The following ZNF516 variants were observed in gnomAD, a reference collection of about 807,000 sequenced individuals.
ZNF516 encodes the protein zinc finger protein 516.
ZNF516 carries 19 observed loss-of-function variants against 79.7 expected under a neutral mutation model. The observed-to-expected ratio is 0.24, with a 90% CI of 0.17 to 0.35. The LOEUF (loss-of-function observed/expected upper bound fraction) is 0.35. Ranked by LOEUF, ZNF516 falls within the 10% of genes least tolerant of loss-of-function variation. The pLI, the probability that ZNF516 is intolerant of heterozygous loss-of-function variation, is 1.00. For missense variants in ZNF516, 1,678 were observed against 1,679.5 expected, an observed-to-expected ratio of 1.00 and a Z score of 0.02; for synonymous variants, 877 against 739.5, an observed-to-expected ratio of 1.19 and a Z score of -3.02.
At chr18:76,371,628 A>G (rs1300722768) in intron 4 of ZNF516, 57 bp from the exon 5 acceptor site, 1 of 1,436,994 alleles carries the variant, frequency 7.0e-7, no homozygotes, top group South Asian at 1.2e-5. Flanking sequence ...CGTGGAGGTG[A>G]GGAGGCAGGA....
intron 3 of ZNF516, among the ~76,000 whole-genome samples, chr18:76,397,837 G>A (rs2075167131): frequency 6.6e-6 from 1 of 152,160 alleles, no homozygotes; most frequent in Non-Finnish European, 1.5e-5. Flanking sequence ...GGGCTCAAGT[G>A]ATCCTCCCTG....
At chr18:76,418,607 G>A (rs2075467093) in intron 3 of ZNF516, among the ~76,000 whole-genome samples, 2 of 152,016 alleles carry the variant, frequency 1.3e-5, no homozygotes, top group Non-Finnish European at 2.9e-5. Context: ...CAAACATACA[G>A]GCTTAAAATA....
chr18:76,441,451 C>T lies in ZNF516; in HGVS notation c.1604G>A (p.Arg535His), dbSNP rs1308104349. The T allele has an allele frequency of 6.2e-7, 1 of 1,606,038 alleles. No individual in the cohort carries two copies. The highest frequency in any genetic ancestry group is 1.7e-5 in the Admixed American group (1 of 59,520). The change falls in exon 3 of 7, where the codon CGC becomes CAC. Residue 535 changes from arginine to histidine, a missense_variant. Physicochemically the swap from Arg to His is conservative, Grantham distance 29. Transcript: ENST00000443185. ...RTYHQMVLHS[R>H]VHRRARRERD... ...CTCGCGGCGCGCGCGGCGATGCACGCGTGAGTGCAGCACCATCTGATGATA... is the reference window on the plus strand; with the variant it reads ...CTCGCGGCGCGCGCGGCGATGCACGTGTGAGTGCAGCACCATCTGATGATA...
chr18:76,455,187 C>A (rs933803241), intron 2 of ZNF516, among the ~76,000 whole-genome samples: 3 of 152,124 alleles, frequency 2.0e-5, no homozygotes, highest in African/African-American at 7.2e-5. Flanking sequence ...AAGACCATGA[C>A]ACTAATTCAG....
rs1323383058 is a variant in ZNF516, at chr18:76,378,839, G to A, written c.3259+16C>T. On this transcript the variant is annotated intron_variant, in intron 4 of 6. Transcript: ENST00000443185. ...GTCACATGTGGCCTGGGGAAGAGAGGGCCCGCACATCTTACCTCTGTGCTC... is the reference window on the plus strand; with the variant it reads ...GTCACATGTGGCCTGGGGAAGAGAGAGCCCGCACATCTTACCTCTGTGCTC... 5 of 1,605,182 alleles carry A rather than the reference G, an allele frequency of 3.1e-6. No individual in the cohort carries two copies. The highest frequency in any genetic ancestry group is 4.3e-6 in the Non-Finnish European group (5 of 1,174,524).
intron 3 of ZNF516, among the ~76,000 whole-genome samples, chr18:76,382,245 G>A (rs2074905637): frequency 6.6e-6 from 1 of 152,162 alleles, no homozygotes; most frequent in South Asian, 2.1e-4. Context: ...AGGAGACTGG[G>A]CAGTGCTAGG....
At chr18:76,478,927 G>T (rs555536709) in intron 1 of ZNF516, among the ~76,000 whole-genome samples, 13 of 152,100 alleles carry the variant, frequency 8.5e-5, no homozygotes, top group African/African-American at 2.9e-4. Context: ...ATGGTTGTGT[G>T]CGCCTGTAAT....
At chr18:76,370,936 T>C (rs1023414659) in intron 5 of ZNF516, among the ~76,000 whole-genome samples, 1 of 152,230 alleles carries the variant, frequency 6.6e-6, no homozygotes, top group Non-Finnish European at 1.5e-5. Context: ...TTCACACTCC[T>C]GATAGAGAAC....
chr18:76,468,417 C>CTTT (rs58648821), intron 1 of ZNF516, among the ~76,000 whole-genome samples: 17 of 127,418 alleles, frequency 1.3e-4, no homozygotes, highest in African/African-American at 3.6e-4. Flanking sequence ...TCATTAGTGT[C>CTTT]TTTTTTTTTT....
In ZNF516 at chr18:76,442,495, T is replaced by C; in HGVS notation, c.560A>G (p.Lys187Arg). ...CTGGTGCACGTGCAGCTCCAGGTCC[T>C]TCTTACGCTCGAACTGGCTCTTGCA... ...SFCKSQFERKKDLELHVHQAH... is the reference protein window; with the variant it reads ...SFCKSQFERKRDLELHVHQAH... The change falls in exon 3 of 7, where the codon AAG (lysine) becomes AGG (arginine). Residue 187 changes from lysine to arginine, a missense_variant. By Grantham distance (26) the Lys-to-Arg change is conservative (BLOSUM62 2). Coordinates refer to ENST00000443185, the MANE Select transcript of ZNF516 (RefSeq NM_014643.4). 1 of 1,602,702 alleles carries C rather than the reference T, an allele frequency of 6.2e-7. No homozygotes were observed.
intron 3 of ZNF516, chr18:76,386,695 T>C (rs1009769649): frequency 6.6e-6 from 1 of 152,182 alleles, no homozygotes. Flanking sequence ...GAGACTTGTA[T>C]GAGGACTTTT....
chr18:76,407,196 G>A (rs908336389), intron 3 of ZNF516, among the ~76,000 whole-genome samples: 1 of 152,162 alleles, frequency 6.6e-6, no homozygotes, highest in African/African-American at 2.4e-5. Context: ...GCCTTCCAAA[G>A]GCCAAGGAGG....
chr18:76,464,551 G>T (rs1013221515), intron 1 of ZNF516, among the ~76,000 whole-genome samples: 2 of 150,922 alleles, frequency 1.3e-5, no homozygotes, highest in African/African-American at 2.5e-5. Flanking sequence ...GGGGACAGTG[G>T]CTCCTGGACT....
intron 6 of ZNF516, among the ~76,000 whole-genome samples, chr18:76,363,895 G>A (rs749406824): frequency 3.3e-5 from 5 of 152,230 alleles, no homozygotes; most frequent in African/African-American, 9.6e-5. Flanking sequence ...GTCAGGGACC[G>A]TAAGAGGCGG....
chr18:76,491,540 C>CA (rs1915211624), intron 1 of ZNF516: 2 of 125,022 alleles, frequency 1.6e-5, no homozygotes, highest in African/African-American at 5.2e-5. Flanking sequence ...CTCCACATGA[C>CA]GGGGGCGGGG....
Position 76,442,699 on chromosome 18 carries a change from T to G in ZNF516, c.356A>C (p.Lys119Thr). The G allele has an allele frequency of 6.3e-7, 1 of 1,583,416 alleles. No homozygotes were observed. Among genetic ancestry groups the G allele is most frequent in the East Asian group, 2.3e-5 (1 of 43,162 alleles). Residue 119 changes from lysine (K) to threonine (T), a missense_variant, in exon 3 of 7, where the codon AAG becomes ACG. Transcript: ENST00000443185. The part of the protein sequence containing the change: ...EGLDACASPT[K>T]SASACNRLLN... ...CAGCCGGTTGCAGGCCGAGGCGCTC[T>G]TGGTGGGGCTGGCGCAGGCGTCCAG...
At chr18:76,492,117 T>C (rs2145843735) in intron 1 of ZNF516, 3 of 972,784 alleles carry the variant, frequency 3.1e-6, no homozygotes, top group Admixed American at 6.2e-5. Context: ...TCCGGGGAGG[T>C]AGTGGGCACG....
chr18:76,491,564 C>CGGGGG (rs1915219826), intron 1 of ZNF516: 1 of 141,068 alleles, frequency 7.1e-6, no homozygotes, highest in Non-Finnish European at 1.6e-5. Flanking sequence ...GGGGGGCGGG[C>CGGGGG]GCCGGGGGGC....
At chr18:76,455,454 T>C (rs368749612) in intron 2 of ZNF516, among the ~76,000 whole-genome samples, 1 of 152,138 alleles carries the variant, frequency 6.6e-6, no homozygotes, top group Non-Finnish European at 1.5e-5. Flanking sequence ...CAGGGACAGA[T>C]GGAGGCTGGA....
Sources: gnomAD v4.1 joint callset for allele counts (sites outside exome capture counted in the v4.1 genomes callset) on GRCh38, gnomAD v4.1.1 for gene constraint, MANE v1.5 for transcripts, NCBI Gene and HGNC (gene_info 2026-07-23, HGNC 2026-07-21) for gene names.